PIGR: variants seen among roughly 807,000 people sequenced by gnomAD.
The protein encoded by PIGR is polymeric immunoglobulin receptor.
Under a neutral mutation model 69.5 loss-of-function variants are expected in PIGR, and 22 were observed. The observed-to-expected ratio is 0.32, with a 90% CI of 0.23 to 0.45. The LOEUF (loss-of-function observed/expected upper bound fraction) is 0.45, where lower values mean the gene tolerates loss of function less well. Ranked by LOEUF, PIGR falls within the 20% of genes least tolerant of loss-of-function variation. PIGR has a pLI of 1.00. For synonymous variants in PIGR, 413 were observed against 407.6 expected (o/e 1.01, Z -0.16); for missense variants, 885 against 974.0 (o/e 0.91, Z 1.22).
At chr1:206,944,425 A>G (rs1209147802) in intron 1 of PIGR, among the ~76,000 whole-genome samples, 1 of 152,158 alleles carries the variant, frequency 6.6e-6, no homozygotes, top group Non-Finnish European at 1.5e-5. Flanking sequence ...GTAAGCCAAG[A>G]TCACGCCACT....
rs756510395 is a variant in PIGR at position 206,937,334 on chromosome 1, A to T, written c.806T>A (p.Phe269Tyr). The T allele has an allele frequency of 1.9e-6, 3 of 1,612,966 alleles. No homozygotes were observed. In the South Asian group the frequency reaches 3.3e-5, roughly 18 times the overall value. The change falls in exon 4 of 11, where the codon TTT (phenylalanine) becomes TAT (tyrosine). Residue 269 changes from phenylalanine (F) to tyrosine (Y), a missense_variant. Coordinates refer to ENST00000356495, the MANE Select transcript of PIGR (RefSeq NM_002644.4). Reference sequence around the variant, plus strand: ...TTCCCCACTGCTCTGTCGGCACAGAAATTTGGCCACGTTTGCCACCTCAGG... The same window carrying T: ...TTCCCCACTGCTCTGTCGGCACAGATATTTGGCCACGTTTGCCACCTCAGG... ...LGPEVANVAK[F>Y]LCRQSSGENC...
intron 8 of PIGR, 33 bp downstream of exon 8, chr1:206,932,423 A>T: frequency 6.3e-7 from 1 of 1,588,812 alleles, no homozygotes; most frequent in Non-Finnish European, 8.6e-7. Flanking sequence ...CTCGGGTTGG[A>T]GGTGGGAGGC....
intron 3 of PIGR, among the ~76,000 whole-genome samples, chr1:206,938,669 T>C (rs994861055): frequency 5.9e-5 from 9 of 152,082 alleles, no homozygotes; most frequent in African/African-American, 1.7e-4. Flanking sequence ...AGACTAAGGG[T>C]TCCCAGGTTA....
chr1:206,933,045 C>T lies in PIGR; in HGVS notation c.1827G>A (p.Lys609=). ...CTTGATCTCTTGTATCTGCCACCGC[C>T]TTTTCCTCTGCAAAAAGCCTGGGAT... ...IQDPRLFAEE[K]AVADTRDQAD... Residue 609 remains lysine, a synonymous_variant, in exon 7 of 11, where the codon AAG becomes AAA. Coordinates refer to ENST00000356495, the MANE Select transcript of PIGR (RefSeq NM_002644.4). 1 of 1,614,212 alleles carries T rather than the reference C, an allele frequency of 6.2e-7. No homozygotes were observed.
In PIGR at chr1:206,937,342, C is replaced by T. The variant is rs778527134; in HGVS notation, c.798G>A (p.Val266=). ...HCALGPEVAN[V]AKFLCRQSSG... is the part of the protein sequence containing the mutation. The stretch of plus-strand genomic sequence containing the variant: ...TGCTCTGTCGGCACAGAAATTTGGC[C>T]ACGTTTGCCACCTCAGGGCCCAGGG... Residue 266 remains valine, a synonymous_variant, in exon 4 of 11, where the codon GTG becomes GTA. Coordinates refer to ENST00000356495, the MANE Select transcript of PIGR (RefSeq NM_002644.4). 1.9e-6 allele frequency: 3 copies of T among 1,613,008 alleles called. No homozygotes were observed. The highest frequency in any genetic ancestry group is 1.1e-5 in the South Asian group (1 of 90,968).
Sources: gnomAD v4.1 joint callset for allele counts (sites outside exome capture counted in the v4.1 genomes callset) on GRCh38, gnomAD v4.1.1 for gene constraint, MANE v1.5 for transcripts, NCBI Gene and HGNC (gene_info 2026-07-23, HGNC 2026-07-21) for gene names.